The following PACSIN1 variants were observed in gnomAD, a reference collection of about 807,000 sequenced individuals.
The protein encoded by PACSIN1 is protein kinase C and casein kinase substrate in neurons 1.
Under a neutral mutation model 59.5 loss-of-function variants are expected in PACSIN1, and 15 were observed. The observed-to-expected ratio is 0.25, with a 90% CI of 0.17 to 0.39. The LOEUF (loss-of-function observed/expected upper bound fraction) is 0.39, where lower values mean the gene tolerates loss of function less well. Ranked by LOEUF, PACSIN1 falls within the 10% of genes least tolerant of loss-of-function variation. The pLI is 1.00. For synonymous variants in PACSIN1, 210 were observed against 220.6 expected (o/e 0.95, Z 0.42); for missense variants, 420 against 580.2 (o/e 0.72, Z 2.84).
intron 1 of PACSIN1, among the ~76,000 whole-genome samples, chr6:34,517,901 T>A (rs1028403830): frequency 2.0e-5 from 3 of 152,312 alleles, no homozygotes; most frequent in Middle Eastern, 6.8e-3. Context: ...GTAGCCCAGC[T>A]CTGCACCCTG....
intron 1 of PACSIN1, among the ~76,000 whole-genome samples, chr6:34,513,429 C>T (rs958740157): frequency 6.6e-6 from 1 of 152,060 alleles, no homozygotes; most frequent in Non-Finnish European, 1.5e-5. Flanking sequence ...GTGACCCTTG[C>T]CCGAGGCCCT....
rs1767445760 is a variant in PACSIN1, at chr6:34,524,218, G to GCTCC, written c.-63-2025_-63-2024insCTCC. Among the ~76,000 whole-genome samples, 10 of 152,258 alleles carry GCTCC rather than the reference G, an allele frequency of 6.6e-5. No individual in the cohort carries two copies. In the South Asian group the frequency reaches 1.0e-3, roughly 16 times the overall value. Reference sequence around the variant, plus strand: ...TCTCAGCCATTGGGTATTTTGGCCTGACATACCAGGTCTCAGCTGTACTGT... The same window carrying GCTCC: ...TCTCAGCCATTGGGTATTTTGGCCTGCTCCACATACCAGGTCTCAGCTGTACTGT... On this transcript the variant is annotated intron_variant, in intron 1 of 9. Coordinates refer to ENST00000244458, the MANE Select transcript of PACSIN1 (RefSeq NM_020804.5).
At chr6:34,527,244 G>A (rs1294551858) in intron 2 of PACSIN1, 88 bp from the exon 3 acceptor site, 4 of 1,281,732 alleles carry the variant, frequency 3.1e-6, no homozygotes, top group Admixed American at 3.4e-5. Context: ...CGGGGCGGAA[G>A]ACAGTGGGCG....
intron 1 of PACSIN1, among the ~76,000 whole-genome samples, chr6:34,467,279 G>C (rs1215621535): frequency 6.6e-6 from 1 of 152,128 alleles, no homozygotes; most frequent in Non-Finnish European, 1.5e-5. Flanking sequence ...CTTGTGGCTG[G>C]GTTATTTGTC....
At position 34,488,616 on chromosome 6, in the gene PACSIN1, G is replaced by T. The variant is rs572976752; in HGVS notation, c.-64+22346G>T. On this transcript the variant is annotated intron_variant, in intron 1 of 9. Transcript: ENST00000244458. This position sits in a 1 kb window ranked among gnomAD's most constrained non-coding sequence, Gnocchi z 4.7. Reference sequence around the variant, plus strand: ...ATAGTTCTTAGATGCATGTATTCTAGTCCCATTAGGGACTCAGCACCATAC... The same window carrying T: ...ATAGTTCTTAGATGCATGTATTCTATTCCCATTAGGGACTCAGCACCATAC... Among the ~76,000 whole-genome samples the T allele has an allele frequency of 6.6e-6, 1 of 152,314 alleles. No individual in the cohort carries two copies. Among genetic ancestry groups the T allele is most frequent in the African/African-American group, 2.4e-5 (1 of 41,564 alleles).
Position 34,531,486 on chromosome 6 carries a change from C to G in PACSIN1, c.1038-114C>G, listed in dbSNP as rs1767591923. The G allele has an allele frequency of 8.3e-6, 9 of 1,089,142 alleles. No homozygotes were observed. The highest frequency in any genetic ancestry group is 2.2e-4 in the Middle Eastern group (1 of 4,544). 67.5% of individuals were successfully genotyped at this position (1,089,142 alleles called of 1,614,324 possible). On this transcript the variant is annotated intron_variant, in intron 8 of 9. Coordinates refer to ENST00000244458, the MANE Select transcript of PACSIN1 (RefSeq NM_020804.5). This position sits in a 1 kb window ranked among gnomAD's most constrained non-coding sequence, Gnocchi z 4.4. Reference sequence around the variant, plus strand: ...GGGTCACCCCTCCTATGTGGCCAATCCTTGCTCTAGCCTTGGTAGAATTCG... The same window carrying G: ...GGGTCACCCCTCCTATGTGGCCAATGCTTGCTCTAGCCTTGGTAGAATTCG...
rs117272103 is a variant in PACSIN1, at chr6:34,528,139, G to A, written c.221-503G>A. 5.9e-5 allele frequency among the ~76,000 whole-genome samples: 9 copies of A among 152,354 alleles called. No individual in the cohort carries two copies. In the East Asian group the frequency reaches 7.7e-4, roughly 13 times the overall value. On this transcript the variant is annotated intron_variant, in intron 3 of 9. Transcript: ENST00000244458. Reference sequence around the variant, plus strand: ...TATACTCTAAACCCCATGAGAGCAGGGGCTGGGCCTGCACCACCTAACACA... The same window carrying A: ...TATACTCTAAACCCCATGAGAGCAGAGGCTGGGCCTGCACCACCTAACACA...
In PACSIN1 at chr6:34,489,047, G is replaced by A. The variant is rs541916268; in HGVS notation, c.-64+22777G>A. On this transcript the variant is annotated intron_variant, in intron 1 of 9. Coordinates refer to ENST00000244458, the MANE Select transcript of PACSIN1 (RefSeq NM_020804.5). Reference sequence around the variant, plus strand: ...AATACAAAAATTAGCCAGGTGTGGCGGCATGCCCCTGTAGTTCCAGCTACT... The same window carrying A: ...AATACAAAAATTAGCCAGGTGTGGCAGCATGCCCCTGTAGTTCCAGCTACT... Among the ~76,000 whole-genome samples the A allele has an allele frequency of 5.3e-5, 8 of 152,000 alleles. No homozygotes were observed. The South Asian group carries it at 1.2e-3, about 24-fold the overall frequency.
At position 34,488,310 on chromosome 6, in the gene PACSIN1, C is replaced by G. The variant is rs183963496; in HGVS notation, c.-64+22040C>G. On this transcript the variant is annotated intron_variant, in intron 1 of 9. Transcript: ENST00000244458. This position sits in a 1 kb window ranked among gnomAD's most constrained non-coding sequence, Gnocchi z 4.7. The stretch of plus-strand genomic sequence containing the variant: ...GCTATTATTCTTCCCTGCCCCTTGC[C>G]ATACAAACAGTGTGAGGCTTGTACA... Among the ~76,000 whole-genome samples, 4 of 152,302 alleles carry G rather than the reference C, an allele frequency of 2.6e-5. No individual in the cohort carries two copies. In the East Asian group the frequency reaches 7.7e-4, roughly 29 times the overall value.
At chr6:34,489,565 T>C (rs1229404975) in intron 1 of PACSIN1, among the ~76,000 whole-genome samples, 1 of 152,120 alleles carries the variant, frequency 6.6e-6, no homozygotes, top group Non-Finnish European at 1.5e-5. Flanking sequence ...TAGTAGCTCT[T>C]GCCCCGCAGG....
intron 1 of PACSIN1, among the ~76,000 whole-genome samples, chr6:34,486,801 C>T (rs979927052): frequency 6.6e-6 from 1 of 151,956 alleles, no homozygotes; most frequent in Non-Finnish European, 1.5e-5. Context: ...TTCAGTAGAC[C>T]CCAGCCTAGG....
Position 34,521,076 on chromosome 6 carries a change from T to G in PACSIN1, c.-63-5167T>G, listed in dbSNP as rs1561968591. Among the ~76,000 whole-genome samples, 3 of 152,260 alleles carry G rather than the reference T, an allele frequency of 2.0e-5. No individual in the cohort carries two copies. In the South Asian group the frequency reaches 6.2e-4, roughly 31 times the overall value. On this transcript the variant is annotated intron_variant, in intron 1 of 9. Coordinates refer to ENST00000244458, the MANE Select transcript of PACSIN1 (RefSeq NM_020804.5). The surrounding 1 kb of genome is among the most constrained non-coding windows in gnomAD (Gnocchi z 4.3). ...TGCGCACTTACTATGTTGCCGGCACTGCACTGGATGCTGGAAATACGGCAG... is the reference window on the plus strand; with the variant it reads ...TGCGCACTTACTATGTTGCCGGCACGGCACTGGATGCTGGAAATACGGCAG...
intron 3 of PACSIN1, among the ~76,000 whole-genome samples, chr6:34,527,869 T>C (rs145824248): frequency 1.1e-3 from 170 of 152,308 alleles, no homozygotes; most frequent in Non-Finnish European, 1.7e-3. Context: ...TATCCCTGTT[T>C]ACCCCTAAAT....
intron 1 of PACSIN1, among the ~76,000 whole-genome samples, chr6:34,470,110 A>T (rs1191445215): frequency 6.6e-6 from 1 of 152,026 alleles, no homozygotes; most frequent in Non-Finnish European, 1.5e-5. Flanking sequence ...GTCTCTGAAG[A>T]CCTCAACCTT....
Position 34,530,559 on chromosome 6 carries a change from T to A in PACSIN1, c.1009T>A (p.Ser337Thr), listed in dbSNP as rs376478993. The change falls in exon 8 of 10, where the codon TCC becomes ACC. Residue 337 changes from serine to threonine, a missense_variant. By Grantham distance (58) the Ser-to-Thr change is moderately conservative. Transcript: ENST00000244458. The surrounding 1 kb of genome is among the most constrained non-coding windows in gnomAD (Gnocchi z 4.4). ...GACCAATGCCACTGGGGCGGTAGAG[T>A]CCACATCCCAGGCTGGGGACCGCGG... ...ALTNATGAVE[S>T]TSQAGDRGSV... 5 of 1,594,192 alleles carry A rather than the reference T, an allele frequency of 3.1e-6. No homozygotes were observed. The highest frequency in any genetic ancestry group is 4.3e-6 in the Non-Finnish European group (5 of 1,170,580).
chr6:34,472,297 A>G (rs12525807), intron 1 of PACSIN1, among the ~76,000 whole-genome samples: 3 of 150,216 alleles, frequency 2.0e-5, no homozygotes, highest in Non-Finnish European at 4.4e-5. Flanking sequence ...AAAAAAAAGA[A>G]CAATGTGTGT....
chr6:34,509,742 A>AT (rs747488907), intron 1 of PACSIN1, among the ~76,000 whole-genome samples: 2 of 149,560 alleles, frequency 1.3e-5, no homozygotes, highest in East Asian at 1.9e-4. Context: ...TCTTTCATCA[A>AT]TTTTTTATAG....
intron 1 of PACSIN1, among the ~76,000 whole-genome samples, chr6:34,471,194 C>T (rs953942192): frequency 5.3e-5 from 8 of 152,192 alleles, no homozygotes; most frequent in East Asian, 1.9e-4. Flanking sequence ...GTGATCTGCC[C>T]GCCTCAGCCT....
In PACSIN1 at chr6:34,486,701, G is replaced by A. The variant is rs144146127; in HGVS notation, c.-64+20431G>A. ...TGTCACCCCTGCAGGGCTGCCTTCC[G>A]GGGCCCTCCTCCGTGGGCCCCTCTC... is the stretch of plus-strand genomic sequence containing the variant. On this transcript the variant is annotated intron_variant, in intron 1 of 9. Transcript: ENST00000244458. Among the ~76,000 whole-genome samples, 4 of 149,560 alleles carry A rather than the reference G, an allele frequency of 2.7e-5. No homozygotes were observed. In the East Asian group the frequency reaches 6.8e-4, roughly 25 times the overall value.
Sources: allele counts gnomAD v4.1 joint callset (sites outside exome capture counted in the v4.1 genomes callset), GRCh38; gene constraint gnomAD v4.1.1; non-coding constraint Gnocchi (gnomAD v3.1); transcripts MANE v1.5; gene names NCBI Gene and HGNC (gene_info 2026-07-23, HGNC 2026-07-21).